Variants in CCDC175 observed in about 807,000 individuals in gnomAD.
CCDC175 encodes coiled-coil domain-containing protein 175.
In CCDC175, 100 loss-of-function variants were observed where a neutral mutation model predicts 114.6. The observed-to-expected ratio is 0.87, with a 90% confidence interval of 0.74 to 1.03. The LOEUF is 1.03. Among genes scored for constraint, CCDC175 ranks in the 50% least tolerant of loss-of-function variants. CCDC175 has a pLI of 0.00. For synonymous variants in CCDC175, 306 were observed against 308.7 expected (o/e 0.99, Z 0.09); for missense variants, 880 against 917.8 (o/e 0.96, Z 0.53).
intron 7 of CCDC175, among the ~76,000 whole-genome samples, chr14:59,558,860 G>A (rs560999092): frequency 1.3e-5 from 2 of 152,252 alleles, no homozygotes; most frequent in East Asian, 3.9e-4. Context: ...GTGAAGGACT[G>A]AGAACTTGAA....
chr14:59,560,423 A>G (rs1896162972), intron 7 of CCDC175, among the ~76,000 whole-genome samples: 1 of 152,158 alleles, frequency 6.6e-6, no homozygotes, highest in African/African-American at 2.4e-5. Context: ...ATCAGGAACC[A>G]AAGCTGAGCC....
intron 13 of CCDC175, among the ~76,000 whole-genome samples, chr14:59,536,809 T>A (rs781380657): frequency 3.3e-5 from 5 of 152,176 alleles, no homozygotes; most frequent in Non-Finnish European, 7.3e-5. Context: ...TGAGATGGAG[T>A]CTCGCTCTGT....
At chr14:59,553,038 T>A (rs1210016265) in intron 7 of CCDC175, among the ~76,000 whole-genome samples, 5 of 152,176 alleles carry the variant, frequency 3.3e-5, no homozygotes, top group African/African-American at 9.7e-5. Flanking sequence ...TGGAAAACAC[T>A]CTGCAGGGAA....
chr14:59,509,917 C>T (rs896498807), intron 19 of CCDC175, among the ~76,000 whole-genome samples: 3 of 152,170 alleles, frequency 2.0e-5, no homozygotes, highest in Admixed American at 6.5e-5. Context: ...TAGATTTGTA[C>T]ACTTGCCAGA....
chr14:59,572,660 T>C, intron 3 of CCDC175, 42 bp downstream of exon 3: 4 of 1,087,254 alleles, frequency 3.7e-6, no homozygotes, highest in Non-Finnish European at 5.2e-6. Context: ...CATTCTGTTA[T>C]AAGATCAACT....
chr14:59,531,553 A>G (rs1247496875), intron 14 of CCDC175, among the ~76,000 whole-genome samples: 1 of 151,798 alleles, frequency 6.6e-6, no homozygotes, highest in African/African-American at 2.4e-5. Context: ...TAGTTTTTAA[A>G]AGAGAAAAGG....
At chr14:59,518,160 A>T (rs1471326365) in intron 17 of CCDC175, among the ~76,000 whole-genome samples, 1 of 152,252 alleles carries the variant, frequency 6.6e-6, no homozygotes, top group Non-Finnish European at 1.5e-5. Flanking sequence ...CACCTTATAC[A>T]AAAATTAATT....
chr14:59,571,595 TAAAAC>T (rs1366717366), intron 3 of CCDC175, among the ~76,000 whole-genome samples: 2 of 151,938 alleles, frequency 1.3e-5, no homozygotes, highest in East Asian at 1.9e-4. Flanking sequence ...AACAACCAGA[TAAAAC>T]AAAAACAAAA....
At chr14:59,562,114 G>A (rs1242074306) in intron 6 of CCDC175, among the ~76,000 whole-genome samples, 1 of 152,226 alleles carries the variant, frequency 6.6e-6, no homozygotes, top group African/African-American at 2.4e-5. Context: ...ACTACCATCA[G>A]AATGAGCTAA....
At chr14:59,537,988 T>C in intron 13 of CCDC175, 35 bp downstream of exon 13, 1 of 1,446,786 alleles carries the variant, frequency 6.9e-7, no homozygotes, top group South Asian at 1.3e-5. Context: ...CATGTAGTCA[T>C]CCAAAAGTAT....
chr14:59,511,787 C>G lies in CCDC175; in HGVS notation c.2115G>C (p.Leu705Phe). ...TAACTGTGGTCTGAAATTCAGCCCA[C>G]AAATCCTTATATTGTGCTAAAATAA... ...LIAQEAQYKD[L>F]WAEFQTTVKI... The change falls in exon 18 of 20, where the codon TTG becomes TTC. Residue 705 changes from leucine to phenylalanine, a missense_variant. Leu to Phe is a conservative substitution (Grantham distance 22, BLOSUM62 0). Coordinates refer to ENST00000537690, the MANE Select transcript of CCDC175 (RefSeq NM_001164399.2). The G allele has an allele frequency of 6.5e-7, 1 of 1,535,614 alleles. No homozygotes were observed.
rs150680028 is a variant in CCDC175, at chr14:59,553,020, A to C, written c.954-1584T>G. 3.3e-5 allele frequency among the ~76,000 whole-genome samples: 5 copies of C among 152,368 alleles called. No individual in the cohort carries two copies. In the East Asian group the frequency reaches 7.7e-4, roughly 23 times the overall value. ...TACCTGAAAGTGACAGGGAGAATGGAACCAAGTTGGAAAACACTCTGCAGG... is the reference window on the plus strand; with the variant it reads ...TACCTGAAAGTGACAGGGAGAATGGCACCAAGTTGGAAAACACTCTGCAGG... On this transcript the variant is annotated intron_variant, in intron 7 of 19. Transcript: ENST00000537690.
intron 10 of CCDC175, among the ~76,000 whole-genome samples, chr14:59,541,083 T>C (rs1894755870): frequency 6.6e-6 from 1 of 152,132 alleles, no homozygotes; most frequent in African/African-American, 2.4e-5. Context: ...GGAAAGGGTG[T>C]CATCATTTGC....
At chr14:59,516,996 G>A (rs1335753510) in intron 17 of CCDC175, among the ~76,000 whole-genome samples, 1 of 152,180 alleles carries the variant, frequency 6.6e-6, no homozygotes, top group African/African-American at 2.4e-5. Flanking sequence ...TCATCCCTGG[G>A]ATGCAAGGCT....
intron 7 of CCDC175, among the ~76,000 whole-genome samples, chr14:59,554,973 A>C (rs1161796920): frequency 6.6e-6 from 1 of 152,218 alleles, no homozygotes; most frequent in African/African-American, 2.4e-5. Flanking sequence ...GGCAATAATT[A>C]ACAGCTTACC....
At chr14:59,525,161 G>A (rs2139991031) in intron 16 of CCDC175, 121 bp downstream of exon 16, 1 of 732,396 alleles carries the variant, frequency 1.4e-6, no homozygotes, top group South Asian at 2.8e-5. Flanking sequence ...ACTTTTCTGT[G>A]TGTACTTTAT....
chr14:59,531,733 C>T (rs957343385), intron 14 of CCDC175, 39 bp downstream of exon 14: 1 of 1,390,162 alleles, frequency 7.2e-7, no homozygotes, highest in Non-Finnish European at 9.6e-7. Context: ...GAAATCCTTA[C>T]CTGGGATTGA....
intron 8 of CCDC175, among the ~76,000 whole-genome samples, chr14:59,547,112 G>A (rs946937231): frequency 8.6e-5 from 13 of 151,918 alleles, no homozygotes; most frequent in Non-Finnish European, 1.8e-4. Context: ...AAATTTTGCA[G>A]AACTTATGAA....
At position 59,563,749 on chromosome 14, in the gene CCDC175, A is replaced by C. The variant is rs1322626482; in HGVS notation, c.831T>G (p.Thr277=). 2 of 1,418,890 alleles carry C rather than the reference A, an allele frequency of 1.4e-6. No homozygotes were observed. The highest frequency in any genetic ancestry group is 3.0e-5 in the African/African-American group (2 of 67,090). 87.9% of individuals were successfully genotyped at this position (1,418,890 alleles called of 1,614,324 possible). Residue 277 remains threonine (T), a synonymous_variant, in exon 6 of 20, where the codon ACT becomes ACG. Coordinates refer to ENST00000537690, the MANE Select transcript of CCDC175 (RefSeq NM_001164399.2). ...TATTCTTTCTTACCGCTGCGGAAAC[A>C]GTAACTGTTTCTTTTATTTTTGACA... ...TKMSKIKETV[T]VSAAVLSDHN...
Sources: gnomAD v4.1 joint callset for allele counts (sites outside exome capture counted in the v4.1 genomes callset) on GRCh38, gnomAD v4.1.1 for gene constraint, MANE v1.5 for transcripts, NCBI Gene and HGNC (gene_info 2026-07-23, HGNC 2026-07-21) for gene names.